FAT2: variants seen among roughly 807,000 people sequenced by gnomAD.
FAT2 encodes the protein FAT atypical cadherin 2.
FAT2 carries 150 observed loss-of-function variants against 295.3 expected under a neutral mutation model. That is an observed-to-expected ratio of 0.51 (90% CI 0.44 to 0.58). FAT2 has a LOEUF of 0.58. Ranked by LOEUF, FAT2 falls within the 20% of genes least tolerant of loss-of-function variation. FAT2 has a pLI of 0.00. For synonymous variants in FAT2, 2,026 were observed against 2,150.3 expected (o/e 0.94, Z 1.60); for missense variants, 4,868 against 5,442.7 (o/e 0.89, Z 3.32).
At chr5:151,554,268 T>C (rs533602832) in intron 5 of FAT2, 94 bp downstream of exon 5, 10 of 1,159,858 alleles carry the variant, frequency 8.6e-6, no homozygotes, top group South Asian at 1.5e-5. Flanking sequence ...ATTTCCCTTA[T>C]GCTGGTGGGC....
chr5:151,522,204 G>T, intron 18 of FAT2, 118 bp from the exon 19 acceptor site: 2 of 755,186 alleles, frequency 2.6e-6, no homozygotes, highest in Non-Finnish European at 4.2e-6. Context: ...CTTGAGGGCT[G>T]GCTCAGCGCA....
At chr5:151,556,086 C>T (rs769220586) in intron 4 of FAT2, among the ~76,000 whole-genome samples, 3 of 152,104 alleles carry the variant, frequency 2.0e-5, no homozygotes, top group Admixed American at 6.5e-5. Flanking sequence ...ATGTACTGCT[C>T]CCCTCTCCTT....
chr5:151,505,123 C>T lies in FAT2; in HGVS notation c.*442G>A, dbSNP rs914967011. The T allele has an allele frequency of 1.5e-5, 4 of 259,492 alleles. No homozygotes were observed. Among genetic ancestry groups the T allele is most frequent in the African/African-American group, 4.6e-5 (2 of 43,024 alleles). The allele number at this position is 259,492 out of a possible 1,614,324, so 16.1% of individuals were successfully genotyped here. On this transcript the variant is annotated 3_prime_UTR_variant, in exon 24 of 24. Coordinates refer to ENST00000261800, the MANE Select transcript of FAT2 (RefSeq NM_001447.3). ...CCCTCTAGAGCTCCTCTGTACGGCCCGCGTAGTGGTTGTCTGTCAGGCACC... is the reference window on the plus strand; with the variant it reads ...CCCTCTAGAGCTCCTCTGTACGGCCTGCGTAGTGGTTGTCTGTCAGGCACC...
intron 9 of FAT2, among the ~76,000 whole-genome samples, chr5:151,548,969 A>G (rs375867409): frequency 6.6e-5 from 10 of 152,340 alleles, no homozygotes; most frequent in African/African-American, 2.4e-4. Context: ...GTGTTCTAAG[A>G]TACATGCATG....
At chr5:151,532,058 G>A (rs2127592267) in intron 13 of FAT2, 88 bp from the exon 14 acceptor site, 3 of 1,520,954 alleles carry the variant, frequency 2.0e-6, no homozygotes, top group East Asian at 2.3e-5. Flanking sequence ...AGGAGGGGCT[G>A]GGGAGGGGCT....
chr5:151,519,774 C>G (rs1753247806), intron 19 of FAT2, among the ~76,000 whole-genome samples: 1 of 151,900 alleles, frequency 6.6e-6, no homozygotes, highest in Non-Finnish European at 1.5e-5. Flanking sequence ...TAAAAAACCT[C>G]TTTTCAACTG....
intron 18 of FAT2, 128 bp from the exon 19 acceptor site, chr5:151,522,214 A>T: frequency 3.0e-6 from 2 of 668,466 alleles, no homozygotes; most frequent in Non-Finnish European, 4.9e-6. Context: ...GGCTCAGCGC[A>T]TTGTTGCATT....
At chr5:151,572,203 G>T (rs1232040746) in intron 1 of FAT2, among the ~76,000 whole-genome samples, 3 of 152,150 alleles carry the variant, frequency 2.0e-5, no homozygotes, top group South Asian at 4.1e-4. Flanking sequence ...GAAGAGAGGA[G>T]CTCTGTGTAT....
upstream of FAT2, among the ~76,000 whole-genome samples, chr5:151,594,550 ACCT>A (rs1759516021): frequency 6.6e-6 from 1 of 152,158 alleles, no homozygotes; most frequent in Non-Finnish European, 1.5e-5. Flanking sequence ...TTTAACATCC[ACCT>A]CTAACATTCT....
intron 6 of FAT2, among the ~76,000 whole-genome samples, 185 bp downstream of exon 6, chr5:151,552,992 G>A (rs560316588): frequency 1.1e-4 from 16 of 152,254 alleles, no homozygotes; most frequent in Admixed American, 2.0e-4. Flanking sequence ...CTTGGCAGAC[G>A]TGGCATTCTT....
chr5:151,521,359 G>C lies in FAT2; in HGVS notation c.11234C>G (p.Pro3745Arg), dbSNP rs1322229557. ...GGTGCTGTACGTGGGCCCAACCTTG[G>C]GGTCCAGATGCACTGTGTTATGGCA... ...QICHNTVHLD[P>R]KVGPTYSTAR... The change falls in exon 19 of 24, where the codon CCC becomes CGC. Residue 3745 changes from proline to arginine, a missense_variant. Pro to Arg is a moderately radical substitution (Grantham distance 103, BLOSUM62 -2). Coordinates refer to ENST00000261800, the MANE Select transcript of FAT2 (RefSeq NM_001447.3). 1.2e-6 allele frequency: 2 copies of C among 1,614,204 alleles called. No homozygotes were observed. The highest frequency in any genetic ancestry group is 2.2e-5 in the South Asian group (2 of 91,084).
At position 151,553,387 on chromosome 5, in the gene FAT2, T is replaced by C. The variant is rs374363291; in HGVS notation, c.3946A>G (p.Ile1316Val). The C allele has an allele frequency of 1.9e-6, 3 of 1,613,818 alleles. No homozygotes were observed. Among genetic ancestry groups the C allele is most frequent in the Non-Finnish European group, 2.5e-6 (3 of 1,179,938 alleles). The change falls in exon 6 of 24, where the codon ATC (isoleucine) becomes GTC (valine). Residue 1316 changes from isoleucine (I) to valine (V), a missense_variant and splice_region_variant. Physicochemically the swap from Ile to Val is conservative, Grantham distance 29. Transcript: ENST00000261800. ...GGCTGCCCACTGTCTGTTGCCTTGA[T>C]CTGAAAGGAGGCCAACACCAAAACT... ...FTAGEYNILT[I>V]KATDSGQPPL... is the part of the protein sequence containing the mutation.
intron 9 of FAT2, among the ~76,000 whole-genome samples, chr5:151,547,575 A>C (rs1756761815): frequency 6.6e-6 from 1 of 152,204 alleles, no homozygotes. Flanking sequence ...TTTCAATCTG[A>C]TTCTTCCACC....
Position 151,544,630 on chromosome 5 carries a change from T to A in FAT2, c.6497A>T (p.Lys2166Ile). 1.9e-6 allele frequency: 3 copies of A among 1,614,030 alleles called. No homozygotes were observed. Among genetic ancestry groups the A allele is most frequent in the East Asian group, 4.5e-5 (2 of 44,884 alleles). The change falls in exon 10 of 24, where the codon AAA becomes ATA. Residue 2166 changes from lysine (K) to isoleucine (I), a missense_variant. Physicochemically the swap from Lys to Ile is moderately radical, Grantham distance 102. This residue lies in a region of FAT2 where 3,297 missense variants were observed against 3,669.4 expected (regional missense o/e 0.90). Coordinates refer to ENST00000261800, the MANE Select transcript of FAT2 (RefSeq NM_001447.3). ...AGGACTCTGAAACAGTGGGTTGGATTTATTTCTCACAGTGACAAGTACCTC... is the reference window on the plus strand; with the variant it reads ...AGGACTCTGAAACAGTGGGTTGGATATATTTCTCACAGTGACAAGTACCTC... ...EEEVLVTVRN[K>I]SNPLFQSPYY... is the part of the protein sequence containing the mutation.
chr5:151,537,933 C>T lies in FAT2; in HGVS notation c.9053G>A (p.Gly3018Asp), dbSNP rs768056743. The T allele has an allele frequency of 6.2e-7, 1 of 1,613,672 alleles. No homozygotes were observed. Among genetic ancestry groups the T allele is most frequent in the African/African-American group, 1.3e-5 (1 of 74,990 alleles). ...TGGAAATACATCTTCATGAACCTTG[C>T]CAGTATAGAGAAGCTAGAGATGGAA... ...SPQCSQLLYTGKVHEDVFPGH... is the reference protein window; with the variant it reads ...SPQCSQLLYTDKVHEDVFPGH... The change falls in exon 12 of 24, where the codon GGC (glycine) becomes GAC (aspartate). Residue 3018 changes from glycine to aspartate, a missense_variant. This residue lies in a region of FAT2 where 1,046 missense variants were observed against 1,210.1 expected (regional missense o/e 0.86). Coordinates refer to ENST00000261800, the MANE Select transcript of FAT2 (RefSeq NM_001447.3).
chr5:151,530,777 G>A (rs56300254), intron 14 of FAT2, among the ~76,000 whole-genome samples: 22,425 of 152,240 alleles, frequency 0.15, 2,131 homozygotes, highest in Non-Finnish European at 0.2. Flanking sequence ...AGTGTCTGCG[G>A]TTGGATGGAT....
intron 15 of FAT2, among the ~76,000 whole-genome samples, chr5:151,528,580 A>G (rs1213050714): frequency 2.0e-5 from 3 of 152,142 alleles, no homozygotes; most frequent in Non-Finnish European, 4.4e-5. Flanking sequence ...GAGAGGAAAT[A>G]CTGTGAGCCC....
rs1024965825 is a variant in FAT2 at position 151,591,327 on chromosome 5, G to A, written c.-183C>T. Among the ~76,000 whole-genome samples, 1 of 152,232 alleles carries A rather than the reference G, an allele frequency of 6.6e-6. No individual in the cohort carries two copies. The highest frequency in any genetic ancestry group is 6.5e-5 in the Admixed American group (1 of 15,290). ...GGCTGCTGAGAAAGTTGGAGTAGGT[G>A]TGTCCCAGCCCAGGAGGAGGAGGAG... On this transcript the variant is annotated 5_prime_UTR_variant, in exon 1 of 24. Coordinates refer to ENST00000261800, the MANE Select transcript of FAT2 (RefSeq NM_001447.3).
Position 151,567,581 on chromosome 5 carries a change from A to C in FAT2, c.1351T>G (p.Cys451Gly), listed in dbSNP as rs1393064294. Residue 451 changes from cysteine (C) to glycine (G), a missense_variant, in exon 2 of 24, where the codon TGC becomes GGC. Coordinates refer to ENST00000261800, the MANE Select transcript of FAT2 (RefSeq NM_001447.3). ...TTGAAGAGGGGGGCATGGTTGTTGCAGTCCACAATGTCAATGACCACCACG... is the reference window on the plus strand; with the variant it reads ...TTGAAGAGGGGGGCATGGTTGTTGCCGTCCACAATGTCAATGACCACCACG... ...STVVVIDIVD[C>G]NNHAPLFNRS... The C allele has an allele frequency of 5.0e-6, 8 of 1,614,096 alleles. No homozygotes were observed. Among genetic ancestry groups the C allele is most frequent in the Non-Finnish European group, 6.8e-6 (8 of 1,180,052 alleles).
Sources: gnomAD v4.1 joint callset for allele counts (sites outside exome capture counted in the v4.1 genomes callset) on GRCh38, gnomAD v4.1.1 for gene constraint, gnomAD v4.1.1 regional missense constraint, MANE v1.5 for transcripts, NCBI Gene and HGNC (gene_info 2026-07-23, HGNC 2026-07-21) for gene names.